ADARB1: variants seen among roughly 807,000 people sequenced by gnomAD.
ADARB1 encodes adenosine deaminase RNA specific B1.
Under a neutral mutation model 52.4 loss-of-function variants are expected in ADARB1, and 10 were observed. That is an observed-to-expected ratio of 0.19 (90% CI 0.12 to 0.32). ADARB1 has a LOEUF of 0.32. Ranked by LOEUF, ADARB1 falls within the 10% of genes least tolerant of loss-of-function variation. The pLI, the probability that ADARB1 is intolerant of heterozygous loss-of-function variation, is 1.00. For missense variants in ADARB1, 643 were observed against 922.3 expected (o/e 0.70, Z 3.92); for synonymous variants, 349 against 371.1 (o/e 0.94, Z 0.68).
At chr21:45,215,024 T>C (rs962698589) in intron 9 of ADARB1, among the ~76,000 whole-genome samples, 7 of 152,190 alleles carry the variant, frequency 4.6e-5, no homozygotes, top group Admixed American at 6.5e-5. Context: ...CCATTAGGTA[T>C]GATGTTGGCT....
intron 2 of ADARB1, among the ~76,000 whole-genome samples, chr21:45,162,190 C>G (rs531712123): frequency 1.3e-5 from 2 of 152,326 alleles, no homozygotes; most frequent in Admixed American, 6.5e-5. Flanking sequence ...AGTGACGCCC[C>G]CTTTGGGGCC....
chr21:45,130,132 G>C (rs2088840208), intron 2 of ADARB1, among the ~76,000 whole-genome samples: 2 of 152,190 alleles, frequency 1.3e-5, no homozygotes, highest in Non-Finnish European at 2.9e-5. Flanking sequence ...GGATCCCAGA[G>C]TTGGAATGAG....
At chr21:45,144,747 G>A (rs1055830276) in intron 2 of ADARB1, 2 of 405,024 alleles carry the variant, frequency 4.9e-6, no homozygotes, top group Admixed American at 2.8e-5. Flanking sequence ...TATGCAGTAA[G>A]AGAGCCAGTG....
chr21:45,153,806 G>A (rs1893561), intron 2 of ADARB1, among the ~76,000 whole-genome samples: 23,091 of 152,108 alleles, frequency 0.15, 1,805 homozygotes, highest in East Asian at 0.27. Flanking sequence ...ACTGACGGGC[G>A]GTCTCAGGAC....
At chr21:45,179,363 A>G (rs2091836884) in intron 4 of ADARB1, among the ~76,000 whole-genome samples, 1 of 152,248 alleles carries the variant, frequency 6.6e-6, no homozygotes, top group Non-Finnish European at 1.5e-5. Flanking sequence ...GAAATATTTT[A>G]TTAAGGACCA....
chr21:45,136,994 AATAG>A (rs1404368142), intron 2 of ADARB1: 1 of 152,266 alleles, frequency 6.6e-6, no homozygotes, highest in Non-Finnish European at 1.5e-5. Context: ...GTATGACTTG[AATAG>A]ATAAGAATTT....
intron 2 of ADARB1, among the ~76,000 whole-genome samples, chr21:45,140,465 G>A (rs1016303394): frequency 6.6e-6 from 1 of 152,144 alleles, no homozygotes; most frequent in African/African-American, 2.4e-5. Flanking sequence ...TAGCTTCTGG[G>A]TGGCTCCTGG....
intron 2 of ADARB1, among the ~76,000 whole-genome samples, chr21:45,159,352 A>G (rs1157780183): frequency 2.0e-5 from 3 of 152,180 alleles, no homozygotes; most frequent in African/African-American, 2.4e-5. Flanking sequence ...CTGTGATTCA[A>G]TTATCTCCCA....
chr21:45,133,241 C>T (rs2089068669), intron 2 of ADARB1, among the ~76,000 whole-genome samples: 1 of 152,224 alleles, frequency 6.6e-6, no homozygotes. Context: ...CTCTTCAGGC[C>T]CACTGGCTCT....
intron 3 of ADARB1, among the ~76,000 whole-genome samples, chr21:45,173,061 T>C (rs1230577374): frequency 6.6e-6 from 1 of 152,234 alleles, no homozygotes; most frequent in African/African-American, 2.4e-5. Context: ...GTGTCAGGAC[T>C]GTGGCCTACA....
At chr21:45,198,264 C>G (rs1390414370) in intron 8 of ADARB1, among the ~76,000 whole-genome samples, 1 of 152,012 alleles carries the variant, frequency 6.6e-6, no homozygotes, top group Non-Finnish European at 1.5e-5. Flanking sequence ...TCAACAGAAC[C>G]GGTGAGGCTG....
At chr21:45,154,447 A>AT (rs1340568142) in intron 2 of ADARB1, among the ~76,000 whole-genome samples, 2 of 152,268 alleles carry the variant, frequency 1.3e-5, no homozygotes, top group Middle Eastern at 3.2e-3. Context: ...TATAAGATGT[A>AT]AAATAGTCTT....
intron 2 of ADARB1, among the ~76,000 whole-genome samples, chr21:45,167,487 C>T (rs986702449): frequency 6.6e-6 from 1 of 152,198 alleles, no homozygotes; most frequent in Non-Finnish European, 1.5e-5. Flanking sequence ...TGCGGTGACT[C>T]ATGCCTGTAA....
At chr21:45,078,756 T>C (rs1203423217) in intron 1 of ADARB1, among the ~76,000 whole-genome samples, 1 of 152,240 alleles carries the variant, frequency 6.6e-6, no homozygotes, top group East Asian at 1.9e-4. Flanking sequence ...AGGGAGCCTT[T>C]CTTCCTTCCT....
chr21:45,158,984 A>C (rs191688018), intron 2 of ADARB1, among the ~76,000 whole-genome samples: 4 of 152,336 alleles, frequency 2.6e-5, no homozygotes, highest in Non-Finnish European at 4.4e-5. Context: ...AGGGAGGCTT[A>C]GAATAAAATT....
At chr21:45,103,228 A>T (rs1321528665) in intron 1 of ADARB1, among the ~76,000 whole-genome samples, 4 of 152,170 alleles carry the variant, frequency 2.6e-5, no homozygotes, top group Non-Finnish European at 4.4e-5. Flanking sequence ...CAATGTGTTA[A>T]TTAATACTGG....
rs1317354551 is a variant in ADARB1 at position 45,200,440 on chromosome 21, C to G, written c.1566-4115C>G. On this transcript the variant is annotated intron_variant, in intron 8 of 10. Coordinates refer to ENST00000348831, the MANE Select transcript of ADARB1 (RefSeq NM_001112.4). The surrounding 1 kb of genome is among the most constrained non-coding windows in gnomAD (Gnocchi z 5.0). ...TTCAGATGACCTCGGCCTGTGTCCT[C>G]AGCTGCACAGAGCTGTGGGAACAAA... 2.0e-5 allele frequency among the ~76,000 whole-genome samples: 3 copies of G among 152,180 alleles called. No individual in the cohort carries two copies. The highest frequency in any genetic ancestry group is 7.2e-5 in the African/African-American group (3 of 41,438).
intron 2 of ADARB1, among the ~76,000 whole-genome samples, chr21:45,169,788 T>C (rs2091408325): frequency 6.6e-6 from 1 of 152,250 alleles, no homozygotes; most frequent in Admixed American, 6.5e-5. Flanking sequence ...GCCATCACTT[T>C]GCCTGCATAA....
intron 2 of ADARB1, among the ~76,000 whole-genome samples, chr21:45,152,947 G>T (rs765764058): frequency 6.6e-6 from 1 of 152,230 alleles, no homozygotes; most frequent in African/African-American, 2.4e-5. Flanking sequence ...TAGCTTCAGA[G>T]TCTGGAGTAT....
Sources: gnomAD v4.1 joint callset for allele counts (sites outside exome capture counted in the v4.1 genomes callset) on GRCh38, gnomAD v4.1.1 for gene constraint, Gnocchi (gnomAD v3.1) non-coding constraint, MANE v1.5 for transcripts, NCBI Gene and HGNC (gene_info 2026-07-23, HGNC 2026-07-21) for gene names.